The following SERAC1 variants were observed in gnomAD, a reference collection of about 807,000 sequenced individuals.
SERAC1 encodes the protein serine active site containing 1.
A neutral mutation model predicts 85.7 loss-of-function variants in SERAC1; 36 were observed. The ratio of observed to expected loss-of-function variants is 0.42; its 90% CI spans 0.32 to 0.55. SERAC1 has a LOEUF of 0.55. SERAC1 is among the 20% of genes least tolerant of loss of function. The pLI is 0.11. For missense variants in SERAC1, 629 were observed against 796.2 expected (o/e 0.79, Z 2.53); for synonymous variants, 242 against 265.3 (o/e 0.91, Z 0.85).
At chr6:158,129,077 T>C (rs1784609650) in intron 9 of SERAC1, among the ~76,000 whole-genome samples, 1 of 152,208 alleles carries the variant, frequency 6.6e-6, no homozygotes, top group East Asian at 1.9e-4. Context: ...CTTTTAAATA[T>C]ACTGTATATC....
In SERAC1 at chr6:158,120,129, A is replaced by G. The variant is rs1784385146; in HGVS notation, c.1166+296T>C. ...TCAGATCTAAGTGAAAATGCCTTGA[A>G]CCAAAGGAGATATGTATTACAAAGT... is the stretch of plus-strand genomic sequence containing the variant. On this transcript the variant is annotated intron_variant, in intron 11 of 16. Transcript: ENST00000647468. This position sits in a 1 kb window ranked among gnomAD's most constrained non-coding sequence, Gnocchi z 4.4. 1.3e-5 allele frequency among the ~76,000 whole-genome samples: 2 copies of G among 152,188 alleles called. No individual in the cohort carries two copies. The highest frequency in any genetic ancestry group is 6.5e-5 in the Admixed American group (1 of 15,276).
In SERAC1 at chr6:158,131,536, CTG is replaced by C. The variant is rs199729262; in HGVS notation, c.739-1052_739-1051del. On this transcript the variant is annotated intron_variant, in intron 8 of 16. Transcript: ENST00000647468. ...AAATATATATAAACAACGCTCAGCA[CTG>C]TTCATAATGAGAGGCGTGCACACTG... 4.0e-3 allele frequency among the ~76,000 whole-genome samples: 602 copies of C among 150,630 alleles called. 6 individuals carry two copies. The East Asian group carries it at 0.061, about 15-fold the overall frequency.
intron 15 of SERAC1, among the ~76,000 whole-genome samples, chr6:158,114,225 A>C (rs966214404): frequency 1.3e-5 from 2 of 152,186 alleles, no homozygotes; most frequent in African/African-American, 4.8e-5. Flanking sequence ...GGAAAACACA[A>C]TCTGACTCCA....
intron 5 of SERAC1, among the ~76,000 whole-genome samples, chr6:158,147,604 C>CAAAA (rs11287217): frequency 8.1e-6 from 1 of 124,156 alleles, no homozygotes; most frequent in Non-Finnish European, 1.7e-5. Flanking sequence ...ACTAAAAATA[C>CAAAA]AAAAAAAAAA....
chr6:158,146,956 T>A, intron 5 of SERAC1, 43 bp from the exon 6 acceptor site: 4 of 1,591,538 alleles, frequency 2.5e-6, no homozygotes, highest in Non-Finnish European at 8.6e-7. Context: ...AAAGTTAAGA[T>A]AATACTTTTA....
rs141698658 is a variant in SERAC1 at position 158,133,199 on chromosome 6, T to C, written c.739-2713A>G. On this transcript the variant is annotated intron_variant, in intron 8 of 16. Coordinates refer to ENST00000647468, the MANE Select transcript of SERAC1 (RefSeq NM_032861.4). ...CTGCTGTCCCAGCTACCCGGGAGGCTGAGGTGGGAGGATTGCCTAGCCCAG... is the reference window on the plus strand; with the variant it reads ...CTGCTGTCCCAGCTACCCGGGAGGCCGAGGTGGGAGGATTGCCTAGCCCAG... Among the ~76,000 whole-genome samples the C allele has an allele frequency of 3.2e-3, 488 of 151,410 alleles. 3 individuals are homozygous for C. Among genetic ancestry groups the C allele is most frequent in the African/African-American group, 0.011 (462 of 41,272 alleles).
At position 158,119,129 on chromosome 6, in the gene SERAC1, A is replaced by T; in HGVS notation, c.1208T>A (p.Met403Lys). 6.2e-7 allele frequency: 1 copy of T among 1,613,530 alleles called. No individual in the cohort carries two copies. Among genetic ancestry groups the T allele is most frequent in the Non-Finnish European group, 8.5e-7 (1 of 1,179,706 alleles). ...GCGCCATGTTTTGAATGCTGCTCCC[A>T]TAAGGCCATGAATAAAAAGGACATC... ...KADVLFIHGL[M>K]GAAFKTWRQQ... Residue 403 changes from methionine (M) to lysine (K), a missense_variant, in exon 12 of 17, where the codon ATG becomes AAG. Coordinates refer to ENST00000647468, the MANE Select transcript of SERAC1 (RefSeq NM_032861.4). This position sits in a 1 kb window ranked among gnomAD's most constrained non-coding sequence, Gnocchi z 4.5.
chr6:158,145,813 A>G (rs9347092), intron 6 of SERAC1: 109,097 of 152,038 alleles, frequency 0.72, 39,249 homozygotes, highest in Admixed American at 0.8. Context: ...GTGAGCCACC[A>G]TGCCTGGCTG....
intron 7 of SERAC1, among the ~76,000 whole-genome samples, 157 bp from the exon 8 acceptor site, chr6:158,143,341 CTCTCTCTA>C (rs1247781391): frequency 0.035 from 915 of 25,990 alleles, 4 homozygotes; most frequent in Non-Finnish European, 0.039. Flanking sequence ...CTCTCTCTCT[CTCTCTCTA>C]TATATATATA....
intron 2 of SERAC1, among the ~76,000 whole-genome samples, chr6:158,156,859 A>AATATTAATATATTTATCTAG (rs1785353681): frequency 8.6e-6 from 1 of 116,770 alleles, no homozygotes; most frequent in East Asian, 2.4e-4. Context: ...ATATATAATA[A>AATATTAATATATTTATCTAG]ATATTAATAT....
chr6:158,138,714 G>C (rs1028080440), intron 8 of SERAC1, among the ~76,000 whole-genome samples: 3 of 152,064 alleles, frequency 2.0e-5, no homozygotes, highest in African/African-American at 7.2e-5. Flanking sequence ...TGTTAGACAA[G>C]GCCTGCTGAA....
chr6:158,139,164 C>T (rs1349991411), intron 8 of SERAC1, among the ~76,000 whole-genome samples: 1 of 152,128 alleles, frequency 6.6e-6, no homozygotes, highest in Non-Finnish European at 1.5e-5. Flanking sequence ...CTCAGCCTCC[C>T]AAAGTGCTAG....
chr6:158,114,530 ATC>A, intron 15 of SERAC1: 1 of 1,206,872 alleles, frequency 8.3e-7, no homozygotes, highest in African/African-American at 1.6e-5. Context: ...GCAAAACATT[ATC>A]TGATTATTTT....
chr6:158,154,496 C>T (rs551130918), intron 3 of SERAC1, among the ~76,000 whole-genome samples: 1 of 151,982 alleles, frequency 6.6e-6, no homozygotes, highest in Non-Finnish European at 1.5e-5. Context: ...TTTATCATTT[C>T]GGCATCTGAG....
chr6:158,165,075 G>A (rs1785566480), intron 1 of SERAC1, among the ~76,000 whole-genome samples: 1 of 152,136 alleles, frequency 6.6e-6, no homozygotes, highest in African/African-American at 2.4e-5. Flanking sequence ...GCCTACCTAT[G>A]CAATTACATA....
At chr6:158,139,488 A>G (rs903649933) in intron 8 of SERAC1, among the ~76,000 whole-genome samples, 4 of 152,190 alleles carry the variant, frequency 2.6e-5, no homozygotes, top group African/African-American at 9.7e-5. Flanking sequence ...ATTCAACAAC[A>G]ACAACAAAAA....
intron 1 of SERAC1, among the ~76,000 whole-genome samples, chr6:158,165,771 G>A (rs1177773053): frequency 2.6e-5 from 4 of 152,132 alleles, no homozygotes; most frequent in Non-Finnish European, 5.9e-5. Context: ...ACCACGCAGA[G>A]TTGCTCTTCT....
At chr6:158,122,772 G>A (rs187175427) in intron 10 of SERAC1, among the ~76,000 whole-genome samples, 434 of 152,218 alleles carry the variant, frequency 2.9e-3, no homozygotes, top group Non-Finnish European at 4.5e-3. Flanking sequence ...AGAGTGAGAC[G>A]CTGTCTCAAA....
At chr6:158,158,487 C>T (rs1012335810) in intron 1 of SERAC1, 123 bp from the exon 2 acceptor site, 29 of 588,872 alleles carry the variant, frequency 4.9e-5, no homozygotes, top group Non-Finnish European at 7.3e-5. Flanking sequence ...TTCAAGACTA[C>T]GAAGAAAACT....
Sources: gnomAD v4.1 joint callset for allele counts (sites outside exome capture counted in the v4.1 genomes callset) on GRCh38, gnomAD v4.1.1 for gene constraint, Gnocchi (gnomAD v3.1) non-coding constraint, MANE v1.5 for transcripts, NCBI Gene and HGNC (gene_info 2026-07-23, HGNC 2026-07-21) for gene names.